TEX11: variants seen among roughly 807,000 people sequenced by gnomAD.
TEX11 encodes the protein testis-expressed protein 11.
Under a neutral mutation model 84.4 loss-of-function variants are expected in TEX11, and 7 were observed. The observed-to-expected ratio is 0.08, with a 90% CI of 0.05 to 0.16. The LOEUF (loss-of-function observed/expected upper bound fraction) is 0.16. Ranked by LOEUF, TEX11 falls within the 10% of genes least tolerant of loss-of-function variation. The probability of loss-of-function intolerance (pLI) is 1.00; values close to 1 mark genes in which losing one functional copy is unlikely to be tolerated. For missense variants in TEX11, 551 were observed against 660.5 expected (o/e 0.83, Z 1.82); for synonymous variants, 264 against 222.8 (o/e 1.18, Z -1.64).
chrX:70,547,027 C>CAAAAAAAAAAAA, intron 28 of TEX11, among the ~76,000 whole-genome samples: 1 of 33,895 alleles, frequency 3.0e-5, no homozygotes, highest in East Asian at 1.1e-3. Flanking sequence ...TATTATTCAG[C>CAAAAAAAAAAAA]AAAAAAAAAA....
intron 9 of TEX11, among the ~76,000 whole-genome samples, chrX:70,801,678 TTTCTTTC>T: frequency 1.2e-5 from 1 of 82,448 alleles, no homozygotes; most frequent in African/African-American, 4.3e-5. Flanking sequence ...TCTTTCTTTC[TTTCTTTC>T]TTCTCTCTTT....
At chrX:70,570,940 A>C (rs2088587371) in intron 25 of TEX11, among the ~76,000 whole-genome samples, 1 of 111,968 alleles carries the variant, frequency 8.9e-6, no homozygotes, top group South Asian at 3.7e-4. Flanking sequence ...TTCTTGATCC[A>C]TCTTGCAAGA....
the TEX11 span, among the ~76,000 whole-genome samples, chrX:70,512,335 C>G: frequency 9.2e-6 from 1 of 108,130 alleles, no homozygotes; most frequent in African/African-American, 3.4e-5. Context: ...TCTGATGCCT[C>G]AGCCTCCCGA....
At chrX:70,520,152 T>C in the TEX11 span, among the ~76,000 whole-genome samples, 2 of 111,977 alleles carry the variant, frequency 1.8e-5, no homozygotes. Flanking sequence ...TCCAGCTTTG[T>C]TCTGTTGCTG....
At chrX:70,814,468 A>G (rs1056141194) in intron 8 of TEX11, among the ~76,000 whole-genome samples, 2 of 112,692 alleles carry the variant, frequency 1.8e-5, no homozygotes, top group Admixed American at 1.9e-4. Context: ...ATATATGCCT[A>G]CTAGCCCATA....
intron 17 of TEX11, among the ~76,000 whole-genome samples, chrX:70,632,575 ACT>A (rs1274835193): frequency 9.0e-6 from 1 of 110,748 alleles, no homozygotes; most frequent in Non-Finnish European, 1.9e-5. Context: ...TTTTTTTGAG[ACT>A]CTATCAAAAA....
the TEX11 span, among the ~76,000 whole-genome samples, chrX:70,519,447 C>G: frequency 6.2e-5 from 7 of 112,347 alleles, no homozygotes; most frequent in African/African-American, 9.7e-5. Flanking sequence ...GGCCCCCACT[C>G]TCTTCTGGCT....
chrX:70,577,926 C>T (rs2088701213), intron 25 of TEX11, among the ~76,000 whole-genome samples: 1 of 110,496 alleles, frequency 9.1e-6, no homozygotes, highest in South Asian at 3.9e-4. Flanking sequence ...TGGGGTTTCA[C>T]CAAGTTGGCC....
chrX:70,757,272 C>G (rs778818277), intron 9 of TEX11, among the ~76,000 whole-genome samples: 1 of 111,156 alleles, frequency 9.0e-6, no homozygotes, highest in African/African-American at 3.3e-5. Flanking sequence ...ACAGAGAATA[C>G]CACAAAGATA....
In TEX11 at chrX:70,843,198, T is replaced by C. The variant is rs1411892626; in HGVS notation, c.526-9605A>G. ...CAATCCTAAGCCAGAAGAACAAAGCTGGAGGCATCATGCTACCTGACTTCA... is the reference window on the plus strand; with the variant it reads ...CAATCCTAAGCCAGAAGAACAAAGCCGGAGGCATCATGCTACCTGACTTCA... On this transcript the variant is annotated intron_variant, in intron 7 of 29. Transcript: ENST00000374333. Among the ~76,000 whole-genome samples the C allele has an allele frequency of 2.7e-5, 3 of 111,809 alleles. No individual in the cohort carries two copies. In the Admixed American group the frequency reaches 2.9e-4, roughly 11 times the overall value.
At position 70,749,335 on chromosome X, in the gene TEX11, G is replaced by A. The variant is rs752219134; in HGVS notation, c.693-5116C>T. On this transcript the variant is annotated intron_variant, in intron 9 of 29. Transcript: ENST00000374333. ...GGAGATTTTGGGCTGAGACGATGGG[G>A]TTTTCTAGATATACAATCATGTCGT... is the stretch of plus-strand genomic sequence containing the variant. 8.9e-3 allele frequency among the ~76,000 whole-genome samples: 969 copies of A among 109,165 alleles called. 6 individuals carry two copies. The highest frequency in any genetic ancestry group is 0.014 in the Non-Finnish European group (727 of 52,622). 94.8% of individuals were successfully genotyped at this position (109,165 alleles called of 115,157 possible).
At chrX:70,731,037 C>A (rs2090644942) in intron 11 of TEX11, among the ~76,000 whole-genome samples, 1 of 111,791 alleles carries the variant, frequency 8.9e-6, no homozygotes, top group Admixed American at 9.5e-5. Context: ...ACTGAACAAC[C>A]TGCTCCTGAA....
At chrX:70,531,653 G>A (rs1007759568) in intron 28 of TEX11, among the ~76,000 whole-genome samples, 5 of 111,429 alleles carry the variant, frequency 4.5e-5, no homozygotes, top group Non-Finnish European at 9.4e-5. Context: ...GCTGGGGAAG[G>A]GAGGTATGGG....
chrX:70,570,653 G>A (rs912774118), intron 25 of TEX11, among the ~76,000 whole-genome samples: 5 of 111,579 alleles, frequency 4.5e-5, no homozygotes, highest in African/African-American at 1.6e-4. Context: ...TTCTTTAGTA[G>A]GTTTAGGACT....
intron 13 of TEX11, among the ~76,000 whole-genome samples, chrX:70,690,766 C>T (rs1239069795): frequency 1.8e-5 from 2 of 110,733 alleles, no homozygotes; most frequent in African/African-American, 6.6e-5. Flanking sequence ...ATTTAAGTGG[C>T]AAGCTTAAGC....
intron 28 of TEX11, among the ~76,000 whole-genome samples, chrX:70,550,840 G>A (rs2088203824): frequency 9.0e-6 from 1 of 111,574 alleles, no homozygotes; most frequent in South Asian, 3.8e-4. Flanking sequence ...AGAACAGTTC[G>A]GAGGTTCCTC....
At chrX:70,616,157 T>C (rs781253261) in intron 20 of TEX11, among the ~76,000 whole-genome samples, 8 of 111,468 alleles carry the variant, frequency 7.2e-5, no homozygotes, top group Admixed American at 3.8e-4. Context: ...GTAAGTACAG[T>C]GTATAAACTA....
intron 25 of TEX11, among the ~76,000 whole-genome samples, chrX:70,565,040 A>G (rs1230866030): frequency 1.2e-4 from 13 of 105,576 alleles, no homozygotes; most frequent in African/African-American, 3.4e-4. Flanking sequence ...AAGTGTTCCT[A>G]TTTCTCCACA....
chrX:70,826,128 AC>A (rs200478695), intron 8 of TEX11, among the ~76,000 whole-genome samples: 1 of 108,289 alleles, frequency 9.2e-6, no homozygotes, highest in Non-Finnish European at 1.9e-5. Context: ...ACATAATGAA[AC>A]CCCCCCAACG....
Sources: gnomAD v4.1 joint callset for allele counts (sites outside exome capture counted in the v4.1 genomes callset) on GRCh38, gnomAD v4.1.1 for gene constraint, MANE v1.5 for transcripts, NCBI Gene and HGNC (gene_info 2026-07-23, HGNC 2026-07-21) for gene names.